The following YPEL2 variants were observed in gnomAD, a reference collection of about 807,000 sequenced individuals.
The protein encoded by YPEL2 is protein yippee-like 2.
In YPEL2, 2 loss-of-function variants were observed where a neutral mutation model predicts 19.1. That is an observed-to-expected ratio of 0.10 (90% CI 0.04 to 0.33). YPEL2 has a LOEUF of 0.33. Among genes scored for constraint, YPEL2 ranks in the 10% least tolerant of loss-of-function variants. YPEL2 has a pLI of 1.00. For synonymous variants in YPEL2, 52 were observed against 50.0 expected (o/e 1.04, Z -0.17); for missense variants, 66 against 140.7 (o/e 0.47, Z 2.68).
chr17:59,351,233 G>A (rs551943632), intron 1 of YPEL2, among the ~76,000 whole-genome samples: 2 of 152,052 alleles, frequency 1.3e-5, no homozygotes, highest in South Asian at 4.2e-4. Context: ...AAATTAGCCA[G>A]GCGTGGTGGC....
intron 1 of YPEL2, among the ~76,000 whole-genome samples, chr17:59,349,349 C>CTTTTTTTTCTTT (rs2047774767): frequency 1.4e-5 from 2 of 139,574 alleles, no homozygotes; most frequent in Admixed American, 7.1e-5. Context: ...GCCCACAGGC[C>CTTTTTTTTCTTT]TTTTTTTTCT....
chr17:59,376,276 A>G (rs566660372), intron 2 of YPEL2, among the ~76,000 whole-genome samples: 45 of 152,218 alleles, frequency 3.0e-4, no homozygotes, highest in East Asian at 1.4e-3. Context: ...CTGGCATGCA[A>G]TAGCGTGATC....
At chr17:59,379,467 A>C (rs2047937979) in intron 2 of YPEL2, among the ~76,000 whole-genome samples, 1 of 152,102 alleles carries the variant, frequency 6.6e-6, no homozygotes, top group Non-Finnish European at 1.5e-5. Context: ...GGTTTTACTA[A>C]TCCTCCTTTG....
chr17:59,341,410 G>A (rs1332423617), intron 1 of YPEL2, among the ~76,000 whole-genome samples: 1 of 151,390 alleles, frequency 6.6e-6, no homozygotes, highest in Non-Finnish European at 1.5e-5. Flanking sequence ...AAGGCCAGGC[G>A]CGGTGACTCA....
intron 1 of YPEL2, among the ~76,000 whole-genome samples, chr17:59,352,274 G>A (rs979496859): frequency 1.3e-5 from 2 of 152,178 alleles, no homozygotes; most frequent in Non-Finnish European, 2.9e-5. Context: ...GGAAGCCTTA[G>A]GCAGGTGAGC....
At chr17:59,384,756 C>T (rs36000176) in intron 2 of YPEL2, among the ~76,000 whole-genome samples, 1 of 152,128 alleles carries the variant, frequency 6.6e-6, no homozygotes, top group Non-Finnish European at 1.5e-5. Context: ...TACCACTGCC[C>T]TGGTAAGTCT....
At chr17:59,378,397 T>C (rs897518287) in intron 2 of YPEL2, among the ~76,000 whole-genome samples, 1 of 150,704 alleles carries the variant, frequency 6.6e-6, no homozygotes, top group African/African-American at 2.4e-5. Context: ...CAGGTTGGAG[T>C]GCAGTGGCGT....
Position 59,339,267 on chromosome 17 carries a change from T to C in YPEL2, c.-196+7443T>C, listed in dbSNP as rs568428885. ...ACGTTAATGGTATGAACGTGCACAT[T>C]ACATAAACCTAAATTAAATAGGGCT... On this transcript the variant is annotated intron_variant, in intron 1 of 4. Transcript: ENST00000312655. Among the ~76,000 whole-genome samples, 6 of 152,298 alleles carry C rather than the reference T, an allele frequency of 3.9e-5. No individual in the cohort carries two copies. The East Asian group carries it at 9.6e-4, about 24-fold the overall frequency.
intron 1 of YPEL2, among the ~76,000 whole-genome samples, chr17:59,340,667 G>A (rs1373325458): frequency 4.6e-5 from 7 of 151,168 alleles, no homozygotes; most frequent in African/African-American, 7.3e-5. Context: ...CGCCCACCTC[G>A]GCCTTTCAAA....
At chr17:59,394,136 C>A (rs575161629) in intron 4 of YPEL2, among the ~76,000 whole-genome samples, 1 of 149,856 alleles carries the variant, frequency 6.7e-6, no homozygotes, top group African/African-American at 2.5e-5. Context: ...GCTGGCCAGG[C>A]GGGGGGCTGA....
intron 2 of YPEL2, among the ~76,000 whole-genome samples, chr17:59,371,964 TC>T: frequency 6.6e-6 from 1 of 152,294 alleles, no homozygotes; most frequent in African/African-American, 2.4e-5. Context: ...CCTCCTCTCT[TC>T]CTGTCACTTG....
chr17:59,392,077 C>G (rs1325793755), intron 4 of YPEL2, among the ~76,000 whole-genome samples: 1 of 152,132 alleles, frequency 6.6e-6, no homozygotes, highest in Admixed American at 6.6e-5. Context: ...GGACACAGTT[C>G]TAATTGTGGT....
intron 2 of YPEL2, among the ~76,000 whole-genome samples, chr17:59,377,996 T>A (rs2047930541): frequency 6.6e-6 from 1 of 152,192 alleles, no homozygotes; most frequent in African/African-American, 2.4e-5. Context: ...GAATCGGCAA[T>A]ATGTTCCTCC....
At chr17:59,336,915 TTTTTGGAAGGACGAG>T (rs2047701434) in intron 1 of YPEL2, among the ~76,000 whole-genome samples, 1 of 152,096 alleles carries the variant, frequency 6.6e-6, no homozygotes, top group Admixed American at 6.6e-5. Context: ...GTTACAGAAG[TTTTTGGAAGGACGAG>T]TTTTCTATCT....
intron 1 of YPEL2, among the ~76,000 whole-genome samples, chr17:59,343,364 T>G: frequency 1.3e-5 from 2 of 150,142 alleles, no homozygotes; most frequent in East Asian, 1.9e-4. Context: ...CTACTGGGGG[T>G]GGGGTTGGGG....
At chr17:59,390,001 TTTA>T (rs2047999832) in intron 4 of YPEL2, among the ~76,000 whole-genome samples, 1 of 152,052 alleles carries the variant, frequency 6.6e-6, no homozygotes, top group Non-Finnish European at 1.5e-5. Context: ...GCAAATTTAT[TTTA>T]TTTTATTTTA....
intron 1 of YPEL2, among the ~76,000 whole-genome samples, chr17:59,335,392 C>T (rs2047693844): frequency 6.6e-6 from 1 of 152,108 alleles, no homozygotes; most frequent in South Asian, 2.1e-4. Flanking sequence ...TGTCCTACTC[C>T]CCCATCTTCT....
At chr17:59,396,841 T>A (rs1598057305) in intron 4 of YPEL2, among the ~76,000 whole-genome samples, 1 of 152,084 alleles carries the variant, frequency 6.6e-6, no homozygotes, top group East Asian at 1.9e-4. Flanking sequence ...GACCAGCCTG[T>A]CCAACATGGT....
intron 1 of YPEL2, among the ~76,000 whole-genome samples, chr17:59,332,731 G>T (rs1045128517): frequency 1.3e-5 from 2 of 152,174 alleles, no homozygotes; most frequent in African/African-American, 2.4e-5. Flanking sequence ...CGAGTGTCTT[G>T]TTTTCCTCCG....
Sources: gnomAD v4.1 joint callset for allele counts (sites outside exome capture counted in the v4.1 genomes callset) on GRCh38, gnomAD v4.1.1 for gene constraint, MANE v1.5 for transcripts, NCBI Gene and HGNC (gene_info 2026-07-23, HGNC 2026-07-21) for gene names.